The following PASD1 variants were observed in gnomAD, a reference collection of about 807,000 sequenced individuals.
PASD1 encodes PAS domain containing repressor 1, also known as circadian clock protein PASD1.
A neutral mutation model predicts 58.8 loss-of-function variants in PASD1; 13 were observed. That is an observed-to-expected ratio of 0.22 (90% CI 0.14 to 0.35). The LOEUF (loss-of-function observed/expected upper bound fraction) is 0.35, where lower values mean the gene tolerates loss of function less well. Among genes scored for constraint, PASD1 ranks in the 10% least tolerant of loss-of-function variants. PASD1 has a pLI of 1.00. For missense variants in PASD1, 734 were observed against 568.3 expected (o/e 1.29, Z -2.96); for synonymous variants, 236 against 216.7 (o/e 1.09, Z -0.78).
At chrX:151,592,329 A>T (rs987639547) in intron 1 of PASD1, among the ~76,000 whole-genome samples, 1 of 112,269 alleles carries the variant, frequency 8.9e-6, no homozygotes, top group Non-Finnish European at 1.9e-5. Context: ...TATGTGATTC[A>T]ATAAAGCCTT....
At chrX:151,636,390 T>G (rs978256476) in intron 8 of PASD1, among the ~76,000 whole-genome samples, 3 of 112,139 alleles carry the variant, frequency 2.7e-5, no homozygotes, top group Non-Finnish European at 5.6e-5. Context: ...GATATGTATT[T>G]TCTTTTTCTT....
intron 8 of PASD1, among the ~76,000 whole-genome samples, chrX:151,635,504 C>A (rs2013919773): frequency 8.9e-6 from 1 of 111,890 alleles, no homozygotes; most frequent in Admixed American, 9.5e-5. Context: ...CCATAGGGTT[C>A]ATTCTAGTCT....
chrX:151,568,982 T>C (rs1261745999), intron 1 of PASD1, among the ~76,000 whole-genome samples: 1 of 111,560 alleles, frequency 9.0e-6, no homozygotes, highest in Non-Finnish European at 1.9e-5. Flanking sequence ...ACACAGCTAG[T>C]GCAGAGCTGG....
intron 9 of PASD1, among the ~76,000 whole-genome samples, chrX:151,656,584 A>T (rs1194761308): frequency 9.0e-6 from 1 of 111,105 alleles, no homozygotes; most frequent in Non-Finnish European, 1.9e-5. Context: ...ATCCCTTGTA[A>T]ATTGGATTCC....
chrX:151,591,175 A>G (rs1245387116), intron 1 of PASD1, among the ~76,000 whole-genome samples: 1 of 111,798 alleles, frequency 8.9e-6, no homozygotes, highest in African/African-American at 3.3e-5. Context: ...CCAATTAGAC[A>G]CTGATACATC....
At chrX:151,569,483 A>G (rs1445852491) in intron 1 of PASD1, among the ~76,000 whole-genome samples, 1 of 112,153 alleles carries the variant, frequency 8.9e-6, no homozygotes, top group Non-Finnish European at 1.9e-5. Context: ...AAATGATTGT[A>G]CTTTAAGGTG....
intron 1 of PASD1, among the ~76,000 whole-genome samples, chrX:151,564,960 G>T (rs976218421): frequency 8.1e-5 from 9 of 111,738 alleles, no homozygotes; most frequent in Non-Finnish European, 1.5e-4. Context: ...ACTTTCCAAT[G>T]TATAAAATCA....
chrX:151,612,634 C>T (rs2013581532), intron 4 of PASD1, among the ~76,000 whole-genome samples: 1 of 111,110 alleles, frequency 9.0e-6, no homozygotes. Flanking sequence ...AGTGTCTGTT[C>T]ATATCCTTCG....
At chrX:151,652,385 T>G (rs1416079148) in intron 9 of PASD1, among the ~76,000 whole-genome samples, 1 of 109,276 alleles carries the variant, frequency 9.2e-6, no homozygotes. Context: ...ATACAAAAAT[T>G]AGCCAGGCGT....
At chrX:151,659,688 A>G (rs767914047) in intron 9 of PASD1, 25 bp from the exon 10 acceptor site, 31 of 1,181,347 alleles carry the variant, frequency 2.6e-5, no homozygotes, top group Non-Finnish European at 3.2e-5. Context: ...GCAATGTCCT[A>G]TCTTTCTCTT....
intron 9 of PASD1, 24 bp downstream of exon 9, chrX:151,648,726 C>G: frequency 8.3e-7 from 1 of 1,197,943 alleles, no homozygotes; most frequent in Non-Finnish European, 1.1e-6. Flanking sequence ...GGACCATAGA[C>G]TACAATCTTA....
intron 4 of PASD1, among the ~76,000 whole-genome samples, chrX:151,614,237 G>A (rs902003740): frequency 1.1e-4 from 12 of 111,141 alleles, no homozygotes; most frequent in Non-Finnish European, 1.9e-4. Flanking sequence ...CGCCCATCTC[G>A]GCCTCCCAAA....
At chrX:151,670,371 C>T (rs1188968524) in intron 11 of PASD1, among the ~76,000 whole-genome samples, 1 of 112,035 alleles carries the variant, frequency 8.9e-6, no homozygotes, top group African/African-American at 3.2e-5. Context: ...TCTGGTTTCT[C>T]CTCTACGTGT....
intron 4 of PASD1, among the ~76,000 whole-genome samples, chrX:151,618,570 C>G (rs1342402368): frequency 8.9e-6 from 1 of 111,945 alleles, no homozygotes; most frequent in Non-Finnish European, 1.9e-5. Context: ...ATAAGACAGG[C>G]AAGGTCTCTG....
chrX:151,641,902 T>C (rs2014003482), intron 8 of PASD1, among the ~76,000 whole-genome samples: 1 of 111,616 alleles, frequency 9.0e-6, no homozygotes. Flanking sequence ...AAGTAATAAA[T>C]TACTCTGCTG....
At chrX:151,667,212 G>A (rs142233451) in intron 11 of PASD1, among the ~76,000 whole-genome samples, 2,403 of 111,913 alleles carry the variant, frequency 0.021, 25 homozygotes, top group Middle Eastern at 0.037. Context: ...CATATCCTTC[G>A]CCCACTTGTT....
chrX:151,564,142 A>G (rs1385634688), intron 1 of PASD1, among the ~76,000 whole-genome samples: 2 of 113,009 alleles, frequency 1.8e-5, no homozygotes, highest in Non-Finnish European at 3.7e-5. Context: ...TTCTTTGGAC[A>G]TTTCGAGAAA....
At chrX:151,598,814 GATTATT>G (rs927576617) in intron 1 of PASD1, among the ~76,000 whole-genome samples, 1 of 110,293 alleles carries the variant, frequency 9.1e-6, no homozygotes, top group East Asian at 2.8e-4. Context: ...GGGACTGATA[GATTATT>G]ATTATTATTA....
intron 1 of PASD1, among the ~76,000 whole-genome samples, chrX:151,597,851 C>T (rs1295635918): frequency 9.0e-6 from 1 of 111,494 alleles, no homozygotes; most frequent in Admixed American, 9.5e-5. Flanking sequence ...CTGCCTCAGC[C>T]TCCAGAGTAG....
Sources: gnomAD v4.1 joint callset for allele counts (sites outside exome capture counted in the v4.1 genomes callset) on GRCh38, gnomAD v4.1.1 for gene constraint, MANE v1.5 for transcripts, NCBI Gene and HGNC (gene_info 2026-07-23, HGNC 2026-07-21) for gene names.